Variants in MDGA2 observed in about 807,000 individuals in gnomAD.
MDGA2 encodes the protein MAM domain-containing glycosylphosphatidylinositol anchor protein 2.
Under a neutral mutation model 117.8 loss-of-function variants are expected in MDGA2, and 40 were observed. That is an observed-to-expected ratio of 0.34 (90% CI 0.26 to 0.44). The LOEUF is 0.44. MDGA2 is among the 20% of genes least tolerant of loss of function. The probability of loss-of-function intolerance (pLI) is 1.00; values close to 1 mark genes in which losing one functional copy is unlikely to be tolerated. For missense variants in MDGA2, 1,123 were observed against 1,250.6 expected, an observed-to-expected ratio of 0.90 and a Z score of 1.54; for synonymous variants, 452 against 439.0, an observed-to-expected ratio of 1.03 and a Z score of -0.37.
chr14:47,342,278 ATAT>A (rs1376377123), intron 1 of MDGA2, among the ~76,000 whole-genome samples: 11,822 of 137,422 alleles, frequency 0.086, 545 homozygotes, highest in East Asian at 0.19. Flanking sequence ...ATATATATAT[ATAT>A]AAAATATGTT....
chr14:47,540,888 G>C (rs1186451196), intron 1 of MDGA2, among the ~76,000 whole-genome samples: 1 of 151,926 alleles, frequency 6.6e-6, no homozygotes, highest in Non-Finnish European at 1.5e-5. Flanking sequence ...TATTTGATTG[G>C]TAATTATCTG....
intron 1 of MDGA2, among the ~76,000 whole-genome samples, chr14:47,327,428 A>T (rs983535666): frequency 6.6e-6 from 1 of 152,186 alleles, no homozygotes; most frequent in African/African-American, 2.4e-5. Context: ...GTAAGAAACA[A>T]GGATATCATC....
At chr14:46,949,446 C>G (rs1397360768) in intron 9 of MDGA2, among the ~76,000 whole-genome samples, 1 of 151,972 alleles carries the variant, frequency 6.6e-6, no homozygotes, top group African/African-American at 2.4e-5. Context: ...GTGTACCCAT[C>G]ATCCAAATAG....
intron 14 of MDGA2, among the ~76,000 whole-genome samples, chr14:46,860,433 CT>C (rs920886714): frequency 1.3e-5 from 2 of 151,650 alleles, no homozygotes; most frequent in African/African-American, 4.8e-5. Context: ...AGACCACTGA[CT>C]TTTTTTTATA....
At chr14:47,126,264 T>A (rs1881897128) in intron 5 of MDGA2, among the ~76,000 whole-genome samples, 1 of 152,054 alleles carries the variant, frequency 6.6e-6, no homozygotes, top group Non-Finnish European at 1.5e-5. Flanking sequence ...CATCCAAATA[T>A]GAGTAGGGAA....
intron 1 of MDGA2, among the ~76,000 whole-genome samples, chr14:47,373,403 A>G (rs757086096): frequency 8.5e-5 from 13 of 152,078 alleles, no homozygotes; most frequent in Non-Finnish European, 1.2e-4. Flanking sequence ...TATTTATACC[A>G]CCTAAAAGGT....
chr14:47,339,484 G>A (rs142982157), intron 1 of MDGA2, among the ~76,000 whole-genome samples: 4 of 152,154 alleles, frequency 2.6e-5, no homozygotes, highest in African/African-American at 9.6e-5. Flanking sequence ...CATGGGGGCA[G>A]ATTCCCTCAT....
At chr14:47,010,610 A>T (rs550563855) in intron 8 of MDGA2, among the ~76,000 whole-genome samples, 62 of 152,106 alleles carry the variant, frequency 4.1e-4, no homozygotes, top group African/African-American at 1.5e-3. Context: ...TAGGGGAGTC[A>T]TTAACACAAT....
intron 1 of MDGA2, among the ~76,000 whole-genome samples, chr14:47,513,078 CT>C (rs1894675767): frequency 6.6e-6 from 1 of 151,996 alleles, no homozygotes; most frequent in Non-Finnish European, 1.5e-5. Context: ...ATGTCAATAG[CT>C]TATGCTTTTT....
At chr14:46,991,457 G>A (rs17117894) in intron 8 of MDGA2, among the ~76,000 whole-genome samples, 2 of 152,032 alleles carry the variant, frequency 1.3e-5, no homozygotes, top group African/African-American at 4.8e-5. Context: ...ATAGTCTCTA[G>A]TATCATCTTT....
intron 3 of MDGA2, among the ~76,000 whole-genome samples, chr14:47,177,267 G>C (rs1469653238): frequency 6.6e-6 from 1 of 151,910 alleles, no homozygotes; most frequent in Admixed American, 6.6e-5. Flanking sequence ...TCTAGAACTA[G>C]AAATACCATT....
At chr14:47,051,923 C>T (rs1594568659) in intron 7 of MDGA2, among the ~76,000 whole-genome samples, 1 of 151,898 alleles carries the variant, frequency 6.6e-6, no homozygotes, top group Non-Finnish European at 1.5e-5. Flanking sequence ...TCCTATACCT[C>T]TATCTTCTCC....
intron 1 of MDGA2, among the ~76,000 whole-genome samples, chr14:47,673,823 T>A (rs1898121087): frequency 6.6e-6 from 1 of 152,006 alleles, no homozygotes; most frequent in Non-Finnish European, 1.5e-5. Flanking sequence ...TGAGATTGTG[T>A]TCCCGCTGCA....
Position 47,307,299 on chromosome 14 carries a change from T to C in MDGA2, c.281-5749A>G, listed in dbSNP as rs546552591. Among the ~76,000 whole-genome samples the C allele has an allele frequency of 6.6e-4, 101 of 152,294 alleles. No homozygotes were observed. In the Middle Eastern group the frequency reaches 0.014, roughly 21 times the overall value. On this transcript the variant is annotated intron_variant, in intron 1 of 16. Transcript: ENST00000399232. ...TTTTATATATTTTTTGTGCATACAG[T>C]CCTAGTCCATATTACTCCTGTTGTT...
intron 5 of MDGA2, among the ~76,000 whole-genome samples, chr14:47,100,980 C>T (rs1488951356): frequency 6.6e-6 from 1 of 151,580 alleles, no homozygotes; most frequent in Admixed American, 6.6e-5. Context: ...ATAGACATTG[C>T]CACAGAGATT....
chr14:47,242,696 A>G (rs749026063), intron 2 of MDGA2, among the ~76,000 whole-genome samples: 1 of 151,680 alleles, frequency 6.6e-6, no homozygotes. Context: ...AGTGCTCGGG[A>G]CCTGCAGCCC....
At chr14:46,968,634 C>T (rs929025185) in intron 8 of MDGA2, among the ~76,000 whole-genome samples, 10 of 151,850 alleles carry the variant, frequency 6.6e-5, no homozygotes, top group Admixed American at 1.3e-4. Flanking sequence ...GAGTTCAAGA[C>T]CAGCTTGGCC....
chr14:47,114,592 A>C (rs541926553), intron 5 of MDGA2, among the ~76,000 whole-genome samples: 1 of 152,266 alleles, frequency 6.6e-6, no homozygotes, highest in African/African-American at 2.4e-5. Context: ...AATGGAACAG[A>C]ATAGAGATCT....
At chr14:47,412,663 T>A (rs1391877024) in intron 1 of MDGA2, among the ~76,000 whole-genome samples, 1 of 152,204 alleles carries the variant, frequency 6.6e-6, no homozygotes, top group African/African-American at 2.4e-5. Flanking sequence ...AAATAAATTA[T>A]TTTGACAGTA....
Sources: allele counts gnomAD v4.1 joint callset (sites outside exome capture counted in the v4.1 genomes callset), GRCh38; gene constraint gnomAD v4.1.1; transcripts MANE v1.5; gene names NCBI Gene and HGNC (gene_info 2026-07-23, HGNC 2026-07-21).